SERINC5: variants seen among roughly 807,000 people sequenced by gnomAD.
The protein encoded by SERINC5 is chromosome 5 open reading frame 12.
A neutral mutation model predicts 63.1 loss-of-function variants in SERINC5; 41 were observed. The ratio of observed to expected loss-of-function variants is 0.65; its 90% CI spans 0.51 to 0.84. The LOEUF (loss-of-function observed/expected upper bound fraction) is 0.84. SERINC5 is among the 40% of genes least tolerant of loss of function. SERINC5 has a pLI of 0.00. For synonymous variants in SERINC5, 222 were observed against 215.2 expected (o/e 1.03, Z -0.28); for missense variants, 523 against 573.0 (o/e 0.91, Z 0.89).
At chr5:80,144,647 C>T (rs1006992250) in intron 11 of SERINC5, among the ~76,000 whole-genome samples, 5 of 152,246 alleles carry the variant, frequency 3.3e-5, no homozygotes, top group Middle Eastern at 3.4e-3. Flanking sequence ...AGAATCTCTC[C>T]AATCACTGTG....
chr5:80,170,471 T>A (rs1031623605), intron 5 of SERINC5, among the ~76,000 whole-genome samples: 3 of 152,126 alleles, frequency 2.0e-5, no homozygotes, highest in Non-Finnish European at 4.4e-5. Flanking sequence ...CAGCTATCTA[T>A]GGGCAGGTGG....
At chr5:80,255,488 G>C (rs747475635) in intron 1 of SERINC5, among the ~76,000 whole-genome samples, 2 of 152,168 alleles carry the variant, frequency 1.3e-5, no homozygotes, top group African/African-American at 2.4e-5. Context: ...CATAGCAAAG[G>C]AGACGGTGCC....
intron 2 of SERINC5, among the ~76,000 whole-genome samples, chr5:80,191,491 A>G (rs576940439): frequency 1.9e-5 from 2 of 102,688 alleles, no homozygotes; most frequent in Admixed American, 1.2e-4. Context: ...AAAAAAAAAA[A>G]AAAAGAAAAA....
At chr5:80,176,876 T>C (rs1748065892) in intron 4 of SERINC5, among the ~76,000 whole-genome samples, 1 of 152,240 alleles carries the variant, frequency 6.6e-6, no homozygotes, top group Non-Finnish European at 1.5e-5. Flanking sequence ...AGGCTTCATA[T>C]TAATGAATTA....
intron 5 of SERINC5, among the ~76,000 whole-genome samples, chr5:80,174,568 T>C (rs1319424679): frequency 6.6e-6 from 1 of 151,808 alleles, no homozygotes; most frequent in Non-Finnish European, 1.5e-5. Context: ...TTAAGAGCAA[T>C]GAGCACATTT....
rs922317561 is a variant in SERINC5 at position 80,139,944 on chromosome 5, C to T, written c.*3719G>A. 6.7e-5 allele frequency: 66 copies of T among 985,196 alleles called. No homozygotes were observed. Among genetic ancestry groups the T allele is most frequent in the Non-Finnish European group, 8.0e-5 (66 of 829,924 alleles). 61.0% of individuals were successfully genotyped at this position (985,196 alleles called of 1,614,324 possible). ...AAGGCAATAAAGGGAGTGTAAAAGCCTAGGTAGCTTAAATACAGGCTCTGG... is the reference window on the plus strand; with the variant it reads ...AAGGCAATAAAGGGAGTGTAAAAGCTTAGGTAGCTTAAATACAGGCTCTGG... On this transcript the variant is annotated 3_prime_UTR_variant, in exon 12 of 12. Transcript: ENST00000507668.
At chr5:80,116,010 C>A in intron 11 of SERINC5, 2 of 282,772 alleles carry the variant, frequency 7.1e-6, no homozygotes, top group Non-Finnish European at 1.4e-5. Context: ...TCCACACACA[C>A]GTGAAAGAAA....
intron 10 of SERINC5, 133 bp from the exon 11 acceptor site, chr5:80,146,367 C>A (rs1340883160): frequency 1.2e-5 from 12 of 1,018,338 alleles, no homozygotes; most frequent in African/African-American, 1.6e-5. Context: ...CCTCTGGCAA[C>A]TTCAATCTGT....
chr5:80,198,799 A>G, intron 2 of SERINC5: 1 of 742,930 alleles, frequency 1.3e-6, no homozygotes, highest in Non-Finnish European at 1.6e-6. Context: ...TAAAGCTGGA[A>G]AAGGATTGGT....
chr5:80,187,071 C>A (rs1255994871), intron 2 of SERINC5, among the ~76,000 whole-genome samples: 2 of 152,034 alleles, frequency 1.3e-5, no homozygotes, highest in African/African-American at 4.8e-5. Flanking sequence ...GAGGCTGAGG[C>A]AGGAGAATAG....
chr5:80,136,483 C>T (rs973295805), downstream of SERINC5, among the ~76,000 whole-genome samples: 2 of 152,076 alleles, frequency 1.3e-5, no homozygotes, highest in African/African-American at 2.4e-5. Flanking sequence ...AACTGGATAG[C>T]CACATGTTGA....
chr5:80,246,279 A>AAAAAC (rs923372390), intron 1 of SERINC5, among the ~76,000 whole-genome samples: 16 of 152,188 alleles, frequency 1.1e-4, no homozygotes, highest in African/African-American at 3.4e-4. Context: ...ATGTGAGTGC[A>AAAAAC]AAAACAAAAC....
intron 2 of SERINC5, among the ~76,000 whole-genome samples, chr5:80,178,535 G>GTTTTTTT (rs1341563769): frequency 2.5e-5 from 2 of 81,560 alleles, no homozygotes; most frequent in African/African-American, 8.9e-5. Context: ...GCTAATTTTT[G>GTTTTTTT]TATTTTTTTT....
chr5:80,140,628 G>T lies in SERINC5; in HGVS notation c.*3035C>A. The T allele has an allele frequency of 1.0e-6, 1 of 985,160 alleles. No individual in the cohort carries two copies. Among genetic ancestry groups the T allele is most frequent in the East Asian group, 1.1e-4 (1 of 8,828 alleles). 61.0% of individuals were successfully genotyped at this position (985,160 alleles called of 1,614,324 possible). A position where few individuals can be genotyped will look rare whatever the true frequency, so the allele number is the denominator to read the frequency against. The stretch of plus-strand genomic sequence containing the variant: ...ATCAGTATTTAAAAAGCTAGACACA[G>T]TAAAGACGTGGTTGGGTTTCTGAAG... On this transcript the variant is annotated 3_prime_UTR_variant, in exon 12 of 12. Transcript: ENST00000507668.
At chr5:80,146,024 G>A (rs979522865) in intron 11 of SERINC5, 66 bp downstream of exon 11, 42 of 1,548,156 alleles carry the variant, frequency 2.7e-5, no homozygotes, top group Non-Finnish European at 3.3e-5. Flanking sequence ...AAACAAACAC[G>A]AACAGTACTT....
At chr5:80,246,079 CTAT>C (rs1207564150) in intron 1 of SERINC5, among the ~76,000 whole-genome samples, 6 of 151,752 alleles carry the variant, frequency 4.0e-5, no homozygotes, top group African/African-American at 1.5e-4. Flanking sequence ...CTATAGAATC[CTAT>C]TAGAGCAAAC....
At position 80,161,031 on chromosome 5, in the gene SERINC5, C is replaced by T. The variant is rs868773556; in HGVS notation, c.860-2069G>A. On this transcript the variant is annotated intron_variant, in intron 7 of 11. Transcript: ENST00000507668. ...GTATATATACGTGTATATATATACA[C>T]ACGTGTATATATATATATGTATGTA... Among the ~76,000 whole-genome samples the T allele has an allele frequency of 9.2e-3, 1,032 of 112,388 alleles. 13 individuals are homozygous for T. The highest frequency in any genetic ancestry group is 0.054 in the African/African-American group (976 of 18,220). 73.7% of individuals were successfully genotyped at this position (112,388 alleles called of 152,430 possible). A position where few individuals can be genotyped will look rare whatever the true frequency, so the allele number is the denominator to read the frequency against.
At chr5:80,157,960 A>C (rs1721366863) in intron 8 of SERINC5, 1 of 152,230 alleles carries the variant, frequency 6.6e-6, no homozygotes, top group African/African-American at 2.4e-5. Context: ...GCTCAGAAAG[A>C]CATTATATTT....
At chr5:80,255,058 G>C (rs1752590750) in intron 1 of SERINC5, 1 of 152,234 alleles carries the variant, frequency 6.6e-6, no homozygotes, top group East Asian at 1.9e-4. Context: ...AGGGAGAAAA[G>C]AGCTCCACAT....
Sources: allele counts gnomAD v4.1 joint callset (sites outside exome capture counted in the v4.1 genomes callset), GRCh38; gene constraint gnomAD v4.1.1; transcripts MANE v1.5; gene names NCBI Gene and HGNC (gene_info 2026-07-23, HGNC 2026-07-21).